Variants in ZNF654 observed in about 807,000 individuals in gnomAD.
ZNF654 encodes the protein melanoma-associated antigen.
ZNF654 carries 19 observed loss-of-function variants against 95.3 expected under a neutral mutation model. That is an observed-to-expected ratio of 0.20 (90% CI 0.14 to 0.29). The LOEUF (loss-of-function observed/expected upper bound fraction) is 0.29, where lower values mean the gene tolerates loss of function less well. Ranked by LOEUF, ZNF654 falls within the 10% of genes least tolerant of loss-of-function variation. The pLI is 1.00. For missense variants in ZNF654, 1,046 were observed against 1,341.0 expected (o/e 0.78, Z 3.44); for synonymous variants, 413 against 457.9 (o/e 0.90, Z 1.25).
intron 2 of ZNF654, among the ~76,000 whole-genome samples, chr3:88,104,237 G>A (rs1704605086): frequency 6.6e-6 from 1 of 152,006 alleles, no homozygotes; most frequent in South Asian, 2.1e-4. Flanking sequence ...AGTGGAAAAT[G>A]GTAAATAAAA....
Position 88,141,728 on chromosome 3 carries a change from T to C in ZNF654, c.*76T>C. ...ACTATAAGAAAATGCATCATCAGTT[T>C]GCTATTTCCCTGATGGCCTTAATTT... is the stretch of plus-strand genomic sequence containing the variant. On this transcript the variant is annotated 3_prime_UTR_variant, in exon 9 of 9. Transcript: ENST00000636215. 1.7e-6 allele frequency: 2 copies of C among 1,198,884 alleles called. No homozygotes were observed. The highest frequency in any genetic ancestry group is 1.9e-5 in the South Asian group (1 of 52,314). The allele number at this position is 1,198,884 out of a possible 1,614,324, so 74.3% of individuals were successfully genotyped here.
intron 3 of ZNF654, among the ~76,000 whole-genome samples, chr3:88,118,713 T>C (rs1705566299): frequency 1.3e-5 from 2 of 152,198 alleles, no homozygotes; most frequent in African/African-American, 4.8e-5. Flanking sequence ...ATCAGCTTAA[T>C]AGCAAAGCAT....
chr3:88,076,688 C>G (rs959291412), intron 1 of ZNF654, among the ~76,000 whole-genome samples: 6 of 152,068 alleles, frequency 3.9e-5, no homozygotes, highest in African/African-American at 1.4e-4. Context: ...ACTTCTTGTG[C>G]GTATATTTTG....
Position 88,140,741 on chromosome 3 carries a change from T to C in ZNF654, c.3072T>C (p.Ser1024=). ...VPQEHNTLPV[S]QAPSKPNLTS... Reference sequence around the variant, plus strand: ...AAGAACACAACACCTTGCCAGTATCTCAGGCACCTTCCAAACCAAATCTGA... The same window carrying C: ...AAGAACACAACACCTTGCCAGTATCCCAGGCACCTTCCAAACCAAATCTGA... Residue 1024 remains serine (S), a synonymous_variant, in exon 8 of 9, where the codon TCT becomes TCC. Transcript: ENST00000636215. The C allele has an allele frequency of 6.2e-7, 1 of 1,613,732 alleles. No homozygotes were observed. The highest frequency in any genetic ancestry group is 8.5e-7 in the Non-Finnish European group (1 of 1,179,728).
At chr3:88,086,444 A>G (rs1321610894) in intron 2 of ZNF654, 42 bp downstream of exon 2, 12 of 1,405,680 alleles carry the variant, frequency 8.5e-6, no homozygotes, top group Admixed American at 7.7e-5. Context: ...ATTTTTCTTG[A>G]TGTGTTTGAG....
chr3:88,092,610 A>G (rs963183530), intron 2 of ZNF654, among the ~76,000 whole-genome samples: 1 of 152,206 alleles, frequency 6.6e-6, no homozygotes, highest in Non-Finnish European at 1.5e-5. Context: ...TATATTTATT[A>G]TCTGTTTTTA....
rs544258733 is a variant in ZNF654, at chr3:88,077,658, A to G, written c.187-8599A>G. Among the ~76,000 whole-genome samples, 23 of 150,382 alleles carry G rather than the reference A, an allele frequency of 1.5e-4. No individual in the cohort carries two copies. In the East Asian group the frequency reaches 4.5e-3, roughly 30 times the overall value. On this transcript the variant is annotated intron_variant, in intron 1 of 8. Coordinates refer to ENST00000636215, the MANE Select transcript of ZNF654 (RefSeq NM_001350134.2). ...GATAGGGAAACCTTTTCAAAATAAC[A>G]CATAGGAAAGATAAATGAAACATGC...
chr3:88,069,002 T>G (rs1707354136), intron 1 of ZNF654, among the ~76,000 whole-genome samples: 2 of 152,168 alleles, frequency 1.3e-5, no homozygotes, highest in Admixed American at 1.3e-4. Context: ...TAAAGCAGTT[T>G]TGATTGAGTG....
In ZNF654 at chr3:88,073,386, G is replaced by C. The variant is rs145485224; in HGVS notation, c.187-12871G>C. Among the ~76,000 whole-genome samples, 353 of 152,258 alleles carry C rather than the reference G, an allele frequency of 2.3e-3. 2 individuals carry two copies. The highest frequency in any genetic ancestry group is 7.9e-3 in the African/African-American group (327 of 41,538). ...GGTTTGAATTCTGTGGGATAATACA[G>C]CATTAAAGGCAAAGTCATGCCATTA... On this transcript the variant is annotated intron_variant, in intron 1 of 8. Transcript: ENST00000636215.
intron 3 of ZNF654, among the ~76,000 whole-genome samples, chr3:88,121,301 T>G (rs1705755036): frequency 6.6e-6 from 1 of 152,170 alleles, no homozygotes. Context: ...AATGTTCCAG[T>G]TGAAAATTTT....
rs1326594714 is a variant in ZNF654, at chr3:88,139,996, A to G, written c.2327A>G (p.Asn776Ser). 1.9e-6 allele frequency: 3 copies of G among 1,613,698 alleles called. No individual in the cohort carries two copies. Among genetic ancestry groups the G allele is most frequent in the Non-Finnish European group, 2.5e-6 (3 of 1,179,828 alleles). ...HAMTVHPTDLNVRQTVMKWSK... is the reference protein window; with the variant it reads ...HAMTVHPTDLSVRQTVMKWSK... ...ATGACCGTACATCCAACCGATTTAA[A>G]TGTGCGACAAACAGTAATGAAGTGG... The change falls in exon 8 of 9, where the codon AAT (asparagine) becomes AGT (serine). Residue 776 changes from asparagine to serine, a missense_variant. Physicochemically the swap from Asn to Ser is conservative, Grantham distance 46 (BLOSUM62 1). This residue lies in a region of ZNF654 where 495 missense variants were observed against 537.0 expected (regional missense o/e 0.92). Transcript: ENST00000636215.
At chr3:88,072,547 G>A (rs895545374) in intron 1 of ZNF654, among the ~76,000 whole-genome samples, 3 of 152,104 alleles carry the variant, frequency 2.0e-5, no homozygotes, top group African/African-American at 7.2e-5. Flanking sequence ...CCAGAAACAT[G>A]TTTCATTTGG....
intron 1 of ZNF654, among the ~76,000 whole-genome samples, chr3:88,061,817 A>G (rs1706901512): frequency 6.6e-6 from 1 of 152,192 alleles, no homozygotes; most frequent in Non-Finnish European, 1.5e-5. Flanking sequence ...TTATTAGTGA[A>G]TGACTTAATC....
intron 2 of ZNF654, among the ~76,000 whole-genome samples, chr3:88,102,156 T>A (rs1704464148): frequency 6.6e-6 from 1 of 152,128 alleles, no homozygotes; most frequent in African/African-American, 2.4e-5. Flanking sequence ...GAAATTTGGT[T>A]GTAATGTGTT....
At chr3:88,094,140 T>C (rs1046000796) in intron 2 of ZNF654, among the ~76,000 whole-genome samples, 8 of 151,892 alleles carry the variant, frequency 5.3e-5, no homozygotes, top group Admixed American at 4.6e-4. Flanking sequence ...GTCTTAATTC[T>C]TTTCTCTTAC....
intron 2 of ZNF654, among the ~76,000 whole-genome samples, chr3:88,112,350 T>G (rs1705143473): frequency 6.6e-6 from 1 of 151,854 alleles, no homozygotes; most frequent in Admixed American, 6.6e-5. Flanking sequence ...AGATCTAAGA[T>G]TTAGAGGGAT....
At chr3:88,114,408 T>C (rs1705267488) in intron 3 of ZNF654, among the ~76,000 whole-genome samples, 1 of 152,194 alleles carries the variant, frequency 6.6e-6, no homozygotes, top group South Asian at 2.1e-4. Context: ...ATAACATTTG[T>C]GAAGGGATAT....
At chr3:88,099,122 G>T (rs1385805456) in intron 2 of ZNF654, among the ~76,000 whole-genome samples, 2 of 152,100 alleles carry the variant, frequency 1.3e-5, no homozygotes, top group Non-Finnish European at 2.9e-5. Context: ...AAGCTGATAG[G>T]CAACTTCAGC....
chr3:88,074,639 C>T (rs1707702286), intron 1 of ZNF654, among the ~76,000 whole-genome samples: 1 of 152,138 alleles, frequency 6.6e-6, no homozygotes, highest in Non-Finnish European at 1.5e-5. Flanking sequence ...CTGCGCCCGG[C>T]CTGTGTCTTA....
Sources: allele counts gnomAD v4.1 joint callset (sites outside exome capture counted in the v4.1 genomes callset), GRCh38; gene constraint gnomAD v4.1.1; regional missense constraint gnomAD v4.1.1; transcripts MANE v1.5; gene names NCBI Gene and HGNC (gene_info 2026-07-23, HGNC 2026-07-21).